The following PLEKHA5 variants were observed in gnomAD, a reference collection of about 807,000 sequenced individuals.
The protein encoded by PLEKHA5 is pleckstrin homology domain containing A5, also known as pleckstrin homology domain-containing family A member 5.
Under a neutral mutation model 181.9 loss-of-function variants are expected in PLEKHA5, and 55 were observed. The ratio of observed to expected loss-of-function variants is 0.30; its 90% CI spans 0.24 to 0.38. The LOEUF is 0.38. Among genes scored for constraint, PLEKHA5 ranks in the 10% least tolerant of loss-of-function variants. PLEKHA5 has a pLI of 1.00. For missense variants in PLEKHA5, 1,432 were observed against 1,549.5 expected (o/e 0.92, Z 1.27); for synonymous variants, 535 against 529.4 (o/e 1.01, Z -0.15).
intron 27 of PLEKHA5, among the ~76,000 whole-genome samples, chr12:19,358,638 A>G (rs989291856): frequency 2.0e-5 from 3 of 152,168 alleles, no homozygotes; most frequent in Non-Finnish European, 4.4e-5. Context: ...GCTAAACTAC[A>G]TGTTGGATGC....
chr12:19,152,205 T>C (rs1484195152), intron 3 of PLEKHA5: 2 of 152,214 alleles, frequency 1.3e-5, no homozygotes, highest in East Asian at 1.9e-4. Context: ...GATATTTTAA[T>C]GTAAATATTT....
intron 3 of PLEKHA5, among the ~76,000 whole-genome samples, chr12:19,213,597 T>C (rs2057383131): frequency 6.6e-6 from 1 of 152,084 alleles, no homozygotes; most frequent in Non-Finnish European, 1.5e-5. Flanking sequence ...TTAGAGAAAC[T>C]TGCAGCAGTG....
At chr12:19,217,248 G>A (rs2058135317) in intron 3 of PLEKHA5, among the ~76,000 whole-genome samples, 1 of 152,152 alleles carries the variant, frequency 6.6e-6, no homozygotes, top group South Asian at 2.1e-4. Flanking sequence ...TATTCTCTAT[G>A]CCAGGGAGAT....
At chr12:19,339,133 C>A (rs903961493) in intron 21 of PLEKHA5, among the ~76,000 whole-genome samples, 2 of 151,442 alleles carry the variant, frequency 1.3e-5, no homozygotes, top group African/African-American at 4.8e-5. Flanking sequence ...CTCCGCCTCT[C>A]ATGTTGAAGT....
chr12:19,296,599 G>A (rs558263804), intron 15 of PLEKHA5, among the ~76,000 whole-genome samples: 2 of 151,972 alleles, frequency 1.3e-5, no homozygotes, highest in South Asian at 2.1e-4. Flanking sequence ...TTAGGAACAC[G>A]TATGCCTTCT....
intron 20 of PLEKHA5, among the ~76,000 whole-genome samples, chr12:19,329,344 G>C (rs937115946): frequency 1.3e-5 from 2 of 152,098 alleles, no homozygotes; most frequent in Non-Finnish European, 2.9e-5. Context: ...GGTGATGTTG[G>C]CTTCATAGAA....
chr12:19,162,996 A>T (rs963177351), intron 3 of PLEKHA5, among the ~76,000 whole-genome samples: 8 of 152,138 alleles, frequency 5.3e-5, no homozygotes, highest in Non-Finnish European at 1.2e-4. Context: ...GTGCCTTTTA[A>T]GTGTTAAGAA....
intron 7 of PLEKHA5, among the ~76,000 whole-genome samples, chr12:19,264,596 G>A (rs12299584): frequency 0.053 from 8,078 of 151,878 alleles, 362 homozygotes; most frequent in East Asian, 0.2. Flanking sequence ...ATCCTTTTAC[G>A]CATTAACGAA....
chr12:19,341,044 G>A (rs1202084439), intron 21 of PLEKHA5, among the ~76,000 whole-genome samples: 1 of 152,140 alleles, frequency 6.6e-6, no homozygotes, highest in African/African-American at 2.4e-5. Flanking sequence ...GGCCAAGTCA[G>A]ACAGATCACT....
chr12:19,255,546 T>C (rs2066646415), intron 5 of PLEKHA5, among the ~76,000 whole-genome samples: 1 of 151,826 alleles, frequency 6.6e-6, no homozygotes, highest in African/African-American at 2.4e-5. Context: ...AGGAAATAGA[T>C]AATTATAAGA....
intron 3 of PLEKHA5, among the ~76,000 whole-genome samples, chr12:19,239,703 A>G (rs971416252): frequency 2.6e-5 from 4 of 152,216 alleles, no homozygotes; most frequent in Admixed American, 6.5e-5. Flanking sequence ...TAGATTTTCA[A>G]CCACATTTCT....
chr12:19,375,802 G>T lies in PLEKHA5; in HGVS notation c.*283G>T, dbSNP rs2095698502. On this transcript the variant is annotated 3_prime_UTR_variant, in exon 32 of 32. Transcript: ENST00000429027. Reference sequence around the variant, plus strand: ...AAGTAAAGGTGCTTTTTAATGTGCAGTCTATTTCCAGAGCTTACTTAGTTG... The same window carrying T: ...AAGTAAAGGTGCTTTTTAATGTGCATTCTATTTCCAGAGCTTACTTAGTTG... 1 of 152,584 alleles carries T rather than the reference G, an allele frequency of 6.6e-6. No homozygotes were observed. The highest frequency in any genetic ancestry group is 6.6e-5 in the Admixed American group (1 of 15,262). The allele number at this position is 152,584 out of a possible 1,614,324, so 9.5% of individuals were successfully genotyped here. A position where few individuals can be genotyped will look rare whatever the true frequency, so the allele number is the denominator to read the frequency against.
intron 3 of PLEKHA5, among the ~76,000 whole-genome samples, chr12:19,190,827 A>G (rs1294395360): frequency 6.6e-6 from 1 of 152,166 alleles, no homozygotes. Flanking sequence ...GATTAGGAAA[A>G]AAGCAACTGA....
rs1366926893 is a variant in PLEKHA5 at position 19,135,322 on chromosome 12, TGTG to T, written c.227+2875_227+2877del. On this transcript the variant is annotated intron_variant, in intron 3 of 31. Transcript: ENST00000429027. The stretch of plus-strand genomic sequence containing the variant: ...AGTGGGGAAGTCATAGGAACTGAAA[TGTG>T]GTCTTGACCTTAATGACTTTGGAGC... Among the ~76,000 whole-genome samples the T allele has an allele frequency of 2.0e-5, 3 of 152,138 alleles. No homozygotes were observed. In the South Asian group the frequency reaches 6.2e-4, roughly 32 times the overall value.
chr12:19,154,810 T>G lies in PLEKHA5; in HGVS notation c.227+22360T>G, dbSNP rs567239569. On this transcript the variant is annotated intron_variant, in intron 3 of 31. Transcript: ENST00000429027. ...CTTTTATAACGGCATCAGACCACAC[T>G]GAGTGCCTTCTAATTACAGTCTGTG... Among the ~76,000 whole-genome samples, 23 of 152,368 alleles carry G rather than the reference T, an allele frequency of 1.5e-4. No individual in the cohort carries two copies. The South Asian group carries it at 4.8e-3, about 32-fold the overall frequency.
rs1186587172 is a variant in PLEKHA5 at position 19,283,592 on chromosome 12, G to C, written c.1626G>C (p.Gln542His). The C allele has an allele frequency of 6.2e-7, 1 of 1,613,992 alleles. No homozygotes were observed. The highest frequency in any genetic ancestry group is 1.3e-5 in the African/African-American group (1 of 74,922). The change falls in exon 12 of 32, where the codon CAG (glutamine) becomes CAC (histidine). Residue 542 changes from glutamine (Q) to histidine (H), a missense_variant. Gln to His is a conservative substitution (Grantham distance 24). This residue lies in a region of PLEKHA5 where 1,143 missense variants were observed against 1,168.4 expected (regional missense o/e 0.98). Transcript: ENST00000429027. ...SPKTMVNISD[Q>H]TMHSIPTSPS... is the part of the protein sequence containing the mutation. ...AAACCATGGTAAATATTTCTGACCA[G>C]ACAATGCACTCTATTCCCACATCAC... is the stretch of plus-strand genomic sequence containing the variant.
chr12:19,248,289 T>C (rs1484685856), intron 3 of PLEKHA5, among the ~76,000 whole-genome samples: 1 of 152,180 alleles, frequency 6.6e-6, no homozygotes, highest in Non-Finnish European at 1.5e-5. Context: ...CCTCTGCCTC[T>C]TGGGGTCAAG....
Position 19,353,980 on chromosome 12 carries a change from A to G in PLEKHA5, c.3116A>G (p.Lys1039Arg), listed in dbSNP as rs1423943611. 2 of 1,568,566 alleles carry G rather than the reference A, an allele frequency of 1.3e-6. No homozygotes were observed. The highest frequency in any genetic ancestry group is 1.8e-6 in the Non-Finnish European group (2 of 1,139,044). Residue 1039 changes from lysine to arginine, a missense_variant, in exon 26 of 32, where the codon AAG becomes AGG. Lys to Arg is a conservative substitution (Grantham distance 26). Coordinates refer to ENST00000429027, the MANE Select transcript of PLEKHA5 (RefSeq NM_001256470.2). The part of the protein sequence containing the change: ...IASYVTLRKT[K>R]KMMDLRTERP... Reference sequence around the variant, plus strand: ...TCCTATGTAACCTTGAGGAAAACTAAGAAGATGATGGATCTAAGAACGGTA... The same window carrying G: ...TCCTATGTAACCTTGAGGAAAACTAGGAAGATGATGGATCTAAGAACGGTA...
intron 25 of PLEKHA5, among the ~76,000 whole-genome samples, chr12:19,348,883 A>T (rs1251649045): frequency 6.6e-6 from 1 of 152,046 alleles, no homozygotes; most frequent in Non-Finnish European, 1.5e-5. Flanking sequence ...AATCACTGGA[A>T]CCCAGGAGGT....
Sources: allele counts gnomAD v4.1 joint callset (sites outside exome capture counted in the v4.1 genomes callset), GRCh38; gene constraint gnomAD v4.1.1; regional missense constraint gnomAD v4.1.1; transcripts MANE v1.5; gene names NCBI Gene and HGNC (gene_info 2026-07-23, HGNC 2026-07-21).